Variants in LRRC4C observed in about 807,000 individuals in gnomAD.
The protein encoded by LRRC4C is leucine-rich repeat-containing protein 4C.
In LRRC4C, 5 loss-of-function variants were observed where a neutral mutation model predicts 33.6. The observed-to-expected ratio is 0.15, with a 90% CI of 0.08 to 0.31. The LOEUF (loss-of-function observed/expected upper bound fraction) is 0.31, where lower values mean the gene tolerates loss of function less well. Among genes scored for constraint, LRRC4C ranks in the 10% least tolerant of loss-of-function variants. LRRC4C has a pLI of 1.00. For synonymous variants in LRRC4C, 329 were observed against 302.0 expected, an observed-to-expected ratio of 1.09 and a Z score of -0.93; for missense variants, 560 against 796.7, an observed-to-expected ratio of 0.70 and a Z score of 3.58.
intron 2 of LRRC4C, among the ~76,000 whole-genome samples, chr11:40,932,022 C>T (rs190943531): frequency 6.6e-6 from 1 of 152,052 alleles, no homozygotes; most frequent in African/African-American, 2.4e-5. Flanking sequence ...TTGTCCTGAC[C>T]TCAAGGGGCT....
chr11:40,520,220 C>G (rs12577942), intron 3 of LRRC4C, among the ~76,000 whole-genome samples: 13,635 of 152,262 alleles, frequency 0.09, 774 homozygotes, highest in Middle Eastern at 0.15. Context: ...CGCATGTTAT[C>G]ATCCATGTAC....
chr11:41,099,996 G>A (rs1941065915), intron 1 of LRRC4C, among the ~76,000 whole-genome samples: 1 of 151,904 alleles, frequency 6.6e-6, no homozygotes, highest in Non-Finnish European at 1.5e-5. Flanking sequence ...AAAGTCTCGG[G>A]ATACCCCCTC....
rs34109085 is a variant in LRRC4C, at chr11:41,336,442, GAAA to G, written c.-496+122986_-496+122988del. On this transcript the variant is annotated intron_variant, in intron 1 of 6. Transcript: ENST00000528697. The stretch of plus-strand genomic sequence containing the variant: ...GTGGGAAAAAAAAATAAAAGGTGGG[GAAA>G]AAAAAAAATATCGGGGGCCATAAAC... Among the ~76,000 whole-genome samples, 8 of 148,762 alleles carry G rather than the reference GAAA, an allele frequency of 5.4e-5. No individual in the cohort carries two copies. In the East Asian group the frequency reaches 6.0e-4, roughly 11 times the overall value.
chr11:40,337,045 G>A (rs1174440901), intron 3 of LRRC4C, among the ~76,000 whole-genome samples: 2 of 149,856 alleles, frequency 1.3e-5, no homozygotes, highest in Non-Finnish European at 3.0e-5. Flanking sequence ...GAGTGGTCAG[G>A]GACGTCCTCA....
intron 1 of LRRC4C, among the ~76,000 whole-genome samples, chr11:41,283,354 C>A (rs116920345): frequency 6.6e-6 from 1 of 152,062 alleles, no homozygotes. Context: ...GTATTTGAAA[C>A]GACCTAAATA....
intron 2 of LRRC4C, among the ~76,000 whole-genome samples, chr11:40,731,185 G>A (rs1408264791): frequency 6.6e-6 from 1 of 151,828 alleles, no homozygotes; most frequent in Non-Finnish European, 1.5e-5. Flanking sequence ...CGGGCGTGGT[G>A]GCAAGTGCCT....
At chr11:40,306,869 A>G (rs1945058131) in intron 4 of LRRC4C, among the ~76,000 whole-genome samples, 1 of 152,106 alleles carries the variant, frequency 6.6e-6, no homozygotes, top group South Asian at 2.1e-4. Context: ...TGTGCTATGT[A>G]ATCTCAAAAG....
At chr11:40,213,768 G>T (rs1447904881) in intron 5 of LRRC4C, among the ~76,000 whole-genome samples, 1 of 152,150 alleles carries the variant, frequency 6.6e-6, no homozygotes, top group East Asian at 1.9e-4. Flanking sequence ...TGAGGTTGGA[G>T]CATTGGATAC....
chr11:41,415,685 T>G (rs1954651503), intron 1 of LRRC4C, among the ~76,000 whole-genome samples: 1 of 152,120 alleles, frequency 6.6e-6, no homozygotes, highest in African/African-American at 2.4e-5. Flanking sequence ...GTTGGATTTT[T>G]ATGAGATGTT....
chr11:40,364,496 A>G (rs572393154), intron 3 of LRRC4C, among the ~76,000 whole-genome samples: 1 of 152,228 alleles, frequency 6.6e-6, no homozygotes, highest in South Asian at 2.1e-4. Flanking sequence ...AGCAAATGGA[A>G]CTTGAATACA....
At chr11:40,918,343 T>C (rs1957044977) in intron 2 of LRRC4C, among the ~76,000 whole-genome samples, 1 of 151,954 alleles carries the variant, frequency 6.6e-6, no homozygotes, top group African/African-American at 2.4e-5. Flanking sequence ...GTTTTGCATT[T>C]AAAGAGAGAG....
intron 1 of LRRC4C, among the ~76,000 whole-genome samples, chr11:41,385,186 T>C (rs1953310150): frequency 6.6e-6 from 1 of 151,232 alleles, no homozygotes; most frequent in Non-Finnish European, 1.5e-5. Flanking sequence ...CGACCCTCTG[T>C]CAGTAACTGA....
chr11:40,751,648 A>C (rs542349543), intron 2 of LRRC4C, among the ~76,000 whole-genome samples: 2 of 152,268 alleles, frequency 1.3e-5, no homozygotes, highest in Admixed American at 6.5e-5. Flanking sequence ...AATTGGAAGA[A>C]TGAATCTCAT....
At chr11:40,186,613 A>C (rs1214323584) in intron 5 of LRRC4C, among the ~76,000 whole-genome samples, 3 of 152,060 alleles carry the variant, frequency 2.0e-5, no homozygotes, top group Non-Finnish European at 4.4e-5. Context: ...CATCACCTTT[A>C]TGTCTTCCTC....
chr11:41,289,105 C>T (rs1219891290), intron 1 of LRRC4C, among the ~76,000 whole-genome samples: 2 of 152,080 alleles, frequency 1.3e-5, no homozygotes, highest in African/African-American at 4.8e-5. Flanking sequence ...CACCCACATT[C>T]AAGGTTATAC....
chr11:40,861,323 C>T (rs1391858948), intron 2 of LRRC4C, among the ~76,000 whole-genome samples: 2 of 152,062 alleles, frequency 1.3e-5, no homozygotes, highest in African/African-American at 4.8e-5. Context: ...ACCTGGGAAA[C>T]CTGGGACTTA....
At chr11:40,886,281 G>A (rs554809378) in intron 2 of LRRC4C, among the ~76,000 whole-genome samples, 34 of 151,918 alleles carry the variant, frequency 2.2e-4, no homozygotes, top group Non-Finnish European at 3.8e-4. Flanking sequence ...GAAAAACCCA[G>A]TTAAGTAGCT....
intron 1 of LRRC4C, among the ~76,000 whole-genome samples, chr11:41,265,947 G>A (rs781536821): frequency 6.6e-6 from 1 of 151,780 alleles, no homozygotes; most frequent in Non-Finnish European, 1.5e-5. Flanking sequence ...TTTGGTGGAT[G>A]AGATACAACA....
chr11:40,603,409 C>T (rs1565549814), intron 3 of LRRC4C, among the ~76,000 whole-genome samples: 1 of 152,148 alleles, frequency 6.6e-6, no homozygotes, highest in Admixed American at 6.5e-5. Flanking sequence ...AACTAATATT[C>T]AAGTGAGTTT....
Sources: allele counts gnomAD v4.1 joint callset (sites outside exome capture counted in the v4.1 genomes callset), GRCh38; gene constraint gnomAD v4.1.1; transcripts MANE v1.5; gene names NCBI Gene and HGNC (gene_info 2026-07-23, HGNC 2026-07-21).